Variants in GUCY2C observed in about 807,000 individuals in gnomAD.
GUCY2C encodes the protein guanylyl cyclase C.
A neutral mutation model predicts 131.1 loss-of-function variants in GUCY2C; 118 were observed. The observed-to-expected ratio is 0.90, with a 90% CI of 0.78 to 1.05. GUCY2C has a LOEUF of 1.05. Among genes scored for constraint, GUCY2C ranks in the 50% least tolerant of loss-of-function variants. The pLI is 0.00. For synonymous variants in GUCY2C, 452 were observed against 457.8 expected, an observed-to-expected ratio of 0.99 and a Z score of 0.16; for missense variants, 1,161 against 1,304.4, an observed-to-expected ratio of 0.89 and a Z score of 1.69.
rs77959465 is a variant in GUCY2C, at chr12:14,647,452, C to T, written c.1711-2137G>A. On this transcript the variant is annotated intron_variant, in intron 15 of 26. Coordinates refer to ENST00000261170, the MANE Select transcript of GUCY2C (RefSeq NM_004963.4). ...ATGTGAATTTGTCGGTATAGGGTGT[C>T]GGTAAATCGGCTCTCTGTTAGCAAC... Among the ~76,000 whole-genome samples the T allele has an allele frequency of 3.0e-4, 45 of 152,210 alleles. 1 individual carries two copies. In the East Asian group the frequency reaches 5.4e-3, roughly 18 times the overall value.
At chr12:14,647,895 T>C (rs1405592823) in intron 15 of GUCY2C, among the ~76,000 whole-genome samples, 1 of 152,022 alleles carries the variant, frequency 6.6e-6, no homozygotes, top group African/African-American at 2.4e-5. Flanking sequence ...TTATAATTTT[T>C]AGTATTTGAG....
intron 19 of GUCY2C, among the ~76,000 whole-genome samples, chr12:14,639,077 C>G (rs926658829): frequency 6.6e-6 from 1 of 152,060 alleles, no homozygotes; most frequent in Non-Finnish European, 1.5e-5. Flanking sequence ...CAGGTGGGAT[C>G]GCTTGAGGTC....
intron 14 of GUCY2C, 101 bp downstream of exon 14, chr12:14,651,858 T>C (rs1947666272): frequency 1.5e-6 from 1 of 670,314 alleles, no homozygotes; most frequent in Non-Finnish European, 2.6e-6. Context: ...TTTCTTGGCC[T>C]GAGGGCTTTT....
At chr12:14,657,852 C>T (rs554198898) in intron 11 of GUCY2C, among the ~76,000 whole-genome samples, 9 of 152,222 alleles carry the variant, frequency 5.9e-5, no homozygotes, top group East Asian at 1.9e-4. Context: ...GGGCTATAGA[C>T]GATGTACACT....
chr12:14,626,790 AT>A (rs1947026991), intron 20 of GUCY2C, among the ~76,000 whole-genome samples: 1 of 152,172 alleles, frequency 6.6e-6, no homozygotes, highest in Non-Finnish European at 1.5e-5. Flanking sequence ...TATAATCTCA[AT>A]TTTATTTTTT....
Position 14,687,566 on chromosome 12 carries a change from G to A in GUCY2C, c.330+385C>T, listed in dbSNP as rs977823991. On this transcript the variant is annotated intron_variant, in intron 2 of 26. Transcript: ENST00000261170. ...AGCCCAGGAGCTCAACCTGCAGTGA[G>A]CCATGATTATGCCACTGCACTCCAG... 5.3e-5 allele frequency among the ~76,000 whole-genome samples: 8 copies of A among 152,296 alleles called. No individual in the cohort carries two copies. In the South Asian group the frequency reaches 6.2e-4, roughly 12 times the overall value.
At chr12:14,683,385 G>C in intron 3 of GUCY2C, 128 bp from the exon 4 acceptor site, 1 of 637,112 alleles carries the variant, frequency 1.6e-6, no homozygotes, top group South Asian at 1.9e-5. Flanking sequence ...CATTAAAGCA[G>C]GTTTCTCATG....
Position 14,683,062 on chromosome 12 carries a change from T to C in GUCY2C, c.591A>G (p.Thr197=), listed in dbSNP as rs1357317860. ...WSTSYVYKNG[T]ETEDCFWYLN... is the part of the protein sequence containing the mutation. ...CTTACCAGAAACAGTCCTCAGTTTC[T>C]GTACCATTCTTGTAAACATACGAAG... Residue 197 remains threonine, a synonymous_variant, in exon 4 of 27, where the codon ACA becomes ACG. Coordinates refer to ENST00000261170, the MANE Select transcript of GUCY2C (RefSeq NM_004963.4). The C allele has an allele frequency of 2.0e-5, 33 of 1,611,670 alleles. No homozygotes were observed. The highest frequency in any genetic ancestry group is 2.7e-5 in the Non-Finnish European group (32 of 1,177,856).
chr12:14,623,627 G>A (rs11056067), intron 21 of GUCY2C, among the ~76,000 whole-genome samples: 126,641 of 152,188 alleles, frequency 0.83, 57,135 homozygotes, highest in East Asian at 0.99. Flanking sequence ...GTTTGGCTCC[G>A]TGTCCCCACC....
Position 14,613,275 on chromosome 12 carries a change from A to G in GUCY2C, c.3064T>C (p.Leu1022=). 1 of 1,612,850 alleles carries G rather than the reference A, an allele frequency of 6.2e-7. No homozygotes were observed. Among genetic ancestry groups the G allele is most frequent in the African/African-American group, 1.3e-5 (1 of 74,952 alleles). ...TPPTVENQQR[L]QAEFSDMIAN... ...ATCATGTCTGAAAATTCTGCTTGCA[A>G]ACGCTGTTGATTCTCCCTGGAAACA... The change falls in exon 27 of 27, where the codon TTG becomes CTG. Residue 1022 remains leucine, a synonymous_variant. Transcript: ENST00000261170. This position sits in a 1 kb window ranked among gnomAD's most constrained non-coding sequence, Gnocchi z 4.9.
chr12:14,687,839 A>G, intron 2 of GUCY2C, 112 bp downstream of exon 2: 2 of 670,682 alleles, frequency 3.0e-6, no homozygotes, highest in Non-Finnish European at 5.5e-6. Context: ...TCATTCAGCT[A>G]TGTGGCTAGA....
At chr12:14,675,379 C>A (rs761871042) in intron 7 of GUCY2C, among the ~76,000 whole-genome samples, 3 of 151,832 alleles carry the variant, frequency 2.0e-5, no homozygotes, top group Non-Finnish European at 2.9e-5. Flanking sequence ...GAAAAACATA[C>A]AAATGCAACC....
chr12:14,693,533 C>T (rs1362133431), intron 1 of GUCY2C, among the ~76,000 whole-genome samples: 1 of 152,114 alleles, frequency 6.6e-6, no homozygotes, highest in Admixed American at 6.5e-5. Flanking sequence ...TTTACTTTTC[C>T]TCAATGTAAC....
intron 17 of GUCY2C, among the ~76,000 whole-genome samples, chr12:14,642,238 T>C (rs1947422273): frequency 6.6e-6 from 1 of 152,294 alleles, no homozygotes; most frequent in East Asian, 1.9e-4. Flanking sequence ...TACATCTAGT[T>C]CACTCACTTC....
chr12:14,641,519 C>G (rs977417972), intron 17 of GUCY2C, among the ~76,000 whole-genome samples: 1 of 152,032 alleles, frequency 6.6e-6, no homozygotes, highest in Non-Finnish European at 1.5e-5. Flanking sequence ...CAAAGTTTAC[C>G]TGGAATGGGG....
At chr12:14,654,135 A>AT (rs1274004505) in intron 12 of GUCY2C, among the ~76,000 whole-genome samples, 6 of 151,892 alleles carry the variant, frequency 4.0e-5, no homozygotes, top group Non-Finnish European at 8.8e-5. Context: ...CATCTTGATT[A>AT]TTTTTTTCTG....
chr12:14,675,862 A>G (rs1948224837), intron 7 of GUCY2C, among the ~76,000 whole-genome samples: 1 of 152,242 alleles, frequency 6.6e-6, no homozygotes, highest in Non-Finnish European at 1.5e-5. Flanking sequence ...TTTGCTGGAA[A>G]AATAAAACTT....
intron 10 of GUCY2C, among the ~76,000 whole-genome samples, chr12:14,662,059 C>T (rs1947878670): frequency 6.6e-6 from 1 of 151,942 alleles, no homozygotes; most frequent in African/African-American, 2.4e-5. Flanking sequence ...ACGGGAAAGT[C>T]GTGGTTCATA....
Position 14,669,837 on chromosome 12 carries a change from TG to T in GUCY2C, c.1171-5del. On this transcript the variant is annotated splice_polypyrimidine_tract_variant and splice_region_variant and intron_variant, in intron 9 of 26. Transcript: ENST00000261170. ...CATAGGTCAAAAGAACCTTGTACTG[TG>T]TCAGGGCACAAAAAAGAAAAAGGAT... The T allele has an allele frequency of 7.6e-7, 1 of 1,312,926 alleles. No homozygotes were observed. Among genetic ancestry groups the T allele is most frequent in the Non-Finnish European group, 1.1e-6 (1 of 929,806 alleles). The allele number at this position is 1,312,926 out of a possible 1,614,324, so 81.3% of individuals were successfully genotyped here.
Sources: allele counts gnomAD v4.1 joint callset (sites outside exome capture counted in the v4.1 genomes callset), GRCh38; gene constraint gnomAD v4.1.1; non-coding constraint Gnocchi (gnomAD v3.1); transcripts MANE v1.5; gene names NCBI Gene and HGNC (gene_info 2026-07-23, HGNC 2026-07-21).